The following NGEF variants were observed in gnomAD, a reference collection of about 807,000 sequenced individuals.
NGEF encodes ephexin-1.
In NGEF, 31 loss-of-function variants were observed where a neutral mutation model predicts 80.9. That is an observed-to-expected ratio of 0.38 (90% CI 0.29 to 0.52). NGEF has a LOEUF of 0.52. Among genes scored for constraint, NGEF ranks in the 20% least tolerant of loss-of-function variants. The pLI is 0.84. For synonymous variants in NGEF, 371 were observed against 370.2 expected (o/e 1.00, Z -0.03); for missense variants, 709 against 926.2 (o/e 0.77, Z 3.04).
At chr2:232,880,511 A>G (rs1194520819) in intron 14 of NGEF, among the ~76,000 whole-genome samples, 2 of 152,236 alleles carry the variant, frequency 1.3e-5, no homozygotes, top group Non-Finnish European at 2.9e-5. Context: ...GAGGCCTTCT[A>G]CCAGGACCCG....
intron 3 of NGEF, among the ~76,000 whole-genome samples, chr2:232,957,318 C>G (rs1693851226): frequency 6.6e-6 from 1 of 151,988 alleles, no homozygotes; most frequent in Non-Finnish European, 1.5e-5. Context: ...ATTATTACTA[C>G]TACTAATAAT....
At chr2:232,909,473 G>A (rs809017) in intron 5 of NGEF, among the ~76,000 whole-genome samples, 104,118 of 152,014 alleles carry the variant, frequency 0.68, 35,913 homozygotes, top group East Asian at 0.76. Context: ...ACAGATCTGC[G>A]TTTTAATATT....
At chr2:232,906,651 C>G (rs569800576) in intron 5 of NGEF, among the ~76,000 whole-genome samples, 1 of 87,398 alleles carries the variant, frequency 1.1e-5, no homozygotes, top group Non-Finnish European at 2.5e-5. Context: ...AGGAGCCCCT[C>G]TGCCCGGCCA....
At chr2:232,929,244 G>A (rs919437996) in intron 3 of NGEF, among the ~76,000 whole-genome samples, 3 of 152,048 alleles carry the variant, frequency 2.0e-5, no homozygotes, top group African/African-American at 2.4e-5. Context: ...TTCTTCGTTG[G>A]GGGGGATGCA....
intron 3 of NGEF, among the ~76,000 whole-genome samples, chr2:232,952,359 T>C (rs543120825): frequency 1.3e-5 from 2 of 152,384 alleles, no homozygotes; most frequent in South Asian, 2.1e-4. Flanking sequence ...TGATTTCTCC[T>C]GGCAACCTTG....
At chr2:232,949,057 C>G (rs1186805405) in intron 3 of NGEF, among the ~76,000 whole-genome samples, 1 of 151,892 alleles carries the variant, frequency 6.6e-6, no homozygotes, top group Admixed American at 6.6e-5. Flanking sequence ...AAAAACCAAT[C>G]AAATTTAAAT....
chr2:232,939,715 C>T (rs1693400995), intron 3 of NGEF, among the ~76,000 whole-genome samples: 1 of 152,054 alleles, frequency 6.6e-6, no homozygotes, highest in East Asian at 1.9e-4. Context: ...TTTGGTGTCT[C>T]GGCCGGGCAC....
chr2:232,983,826 G>A lies in NGEF; in HGVS notation c.-74-8862C>T, dbSNP rs192519264. Among the ~76,000 whole-genome samples, 439 of 152,282 alleles carry A rather than the reference G, an allele frequency of 2.9e-3. 1 individual carries two copies. The highest frequency in any genetic ancestry group is 9.5e-3 in the African/African-American group (393 of 41,556). On this transcript the variant is annotated intron_variant, in intron 1 of 14. Coordinates refer to ENST00000264051, the MANE Select transcript of NGEF (RefSeq NM_019850.3). ...TACAAACAACATCTCTTTTAGAGAC[G>A]AGAATGCTGAAACCCGGTGAGATTA... is the stretch of plus-strand genomic sequence containing the variant.
intron 1 of NGEF, among the ~76,000 whole-genome samples, chr2:232,980,955 G>A (rs750562122): frequency 1.8e-4 from 28 of 151,990 alleles, no homozygotes; most frequent in Non-Finnish European, 3.2e-4. Context: ...GAGTGCCTGC[G>A]CAGGTCAGAG....
intron 5 of NGEF, among the ~76,000 whole-genome samples, chr2:232,905,162 G>A (rs961309807): frequency 4.6e-5 from 7 of 152,052 alleles, no homozygotes; most frequent in Admixed American, 4.6e-4. Context: ...GCCAAAGCTG[G>A]ACTGTCCTGC....
intron 4 of NGEF, among the ~76,000 whole-genome samples, chr2:232,921,643 G>A (rs899904522): frequency 1.1e-5 from 1 of 89,716 alleles, no homozygotes; most frequent in African/African-American, 5.0e-5. Flanking sequence ...TTTTTTTTTT[G>A]TAGAGATGAG....
In NGEF at chr2:232,956,689, C is replaced by T. The variant is rs982274619; in HGVS notation, c.383+13525G>A. ...GGCTGAGGCAGGAGAATTGCTCAAT[C>T]GCTCAAACCCAGGAGGTGGAGGTTG... On this transcript the variant is annotated intron_variant, in intron 3 of 14. Coordinates refer to ENST00000264051, the MANE Select transcript of NGEF (RefSeq NM_019850.3). Among the ~76,000 whole-genome samples, 6 of 148,852 alleles carry T rather than the reference C, an allele frequency of 4.0e-5. No individual in the cohort carries two copies. The East Asian group carries it at 1.2e-3, about 30-fold the overall frequency.
At chr2:232,928,136 C>T (rs1693128588) in intron 3 of NGEF, 3 of 995,270 alleles carry the variant, frequency 3.0e-6, no homozygotes, top group African/African-American at 1.8e-5. Flanking sequence ...CCGCCGCCGC[C>T]ACCGCTGCCG....
intron 1 of NGEF, among the ~76,000 whole-genome samples, chr2:232,991,419 A>G (rs1414438175): frequency 6.6e-6 from 1 of 152,110 alleles, no homozygotes; most frequent in Non-Finnish European, 1.5e-5. Flanking sequence ...CAAGATCAAT[A>G]TACACAAATT....
At chr2:232,983,336 GT>G (rs1694475566) in intron 1 of NGEF, among the ~76,000 whole-genome samples, 2 of 152,112 alleles carry the variant, frequency 1.3e-5, no homozygotes, top group African/African-American at 2.4e-5. Context: ...AGAGAGGAGG[GT>G]CCCCGAGCGG....
chr2:232,891,722 G>T (rs959275887), intron 7 of NGEF, among the ~76,000 whole-genome samples: 2 of 152,230 alleles, frequency 1.3e-5, no homozygotes, highest in Non-Finnish European at 2.9e-5. Flanking sequence ...GCTGCTGTGT[G>T]TGGGAGGATA....
intron 5 of NGEF, among the ~76,000 whole-genome samples, chr2:232,905,391 C>G (rs986875699): frequency 2.7e-5 from 4 of 150,876 alleles, no homozygotes; most frequent in Non-Finnish European, 5.9e-5. Context: ...GACGGAGTCT[C>G]GTTAACTCAG....
At chr2:232,961,743 G>T (rs866801378) in intron 3 of NGEF, among the ~76,000 whole-genome samples, 1 of 151,996 alleles carries the variant, frequency 6.6e-6, no homozygotes, top group Non-Finnish European at 1.5e-5. Context: ...TGATCTGCCC[G>T]CCTTGGGCTC....
chr2:233,000,470 C>T (rs1198338713), intron 1 of NGEF, among the ~76,000 whole-genome samples: 2 of 151,726 alleles, frequency 1.3e-5, no homozygotes, highest in Non-Finnish European at 2.9e-5. Context: ...ACCTAAATGC[C>T]GCCAGGCGAG....
Sources: gnomAD v4.1 joint callset for allele counts (sites outside exome capture counted in the v4.1 genomes callset) on GRCh38, gnomAD v4.1.1 for gene constraint, MANE v1.5 for transcripts, NCBI Gene and HGNC (gene_info 2026-07-23, HGNC 2026-07-21) for gene names.